The following ZFP64 variants were observed in gnomAD, a reference collection of about 807,000 sequenced individuals.
ZFP64 encodes the protein zinc finger protein 64.
In ZFP64, 14 loss-of-function variants were observed where a neutral mutation model predicts 51.6. The ratio of observed to expected loss-of-function variants is 0.27; its 90% CI spans 0.18 to 0.42. The LOEUF (loss-of-function observed/expected upper bound fraction) is 0.42, where lower values mean the gene tolerates loss of function less well. Ranked by LOEUF, ZFP64 falls within the 10% of genes least tolerant of loss-of-function variation. The pLI is 1.00. For missense variants in ZFP64, 754 were observed against 906.8 expected (o/e 0.83, Z 2.16); for synonymous variants, 375 against 361.4 (o/e 1.04, Z -0.43).
At chr20:52,169,750 T>A (rs1982561743) in intron 2 of ZFP64, among the ~76,000 whole-genome samples, 1 of 152,168 alleles carries the variant, frequency 6.6e-6, no homozygotes, top group Non-Finnish European at 1.5e-5. Context: ...TGCACACAAG[T>A]TTTAAAATTT....
intron 5 of ZFP64, among the ~76,000 whole-genome samples, chr20:52,141,728 A>C (rs1980264544): frequency 6.6e-6 from 1 of 152,212 alleles, no homozygotes; most frequent in African/African-American, 2.4e-5. Context: ...TGAAAATGAC[A>C]ACAAACAACT....
Position 52,151,903 on chromosome 20 carries a change from G to T in ZFP64, c.*243C>A. ...TATACAAAAATTAGCCAGTCATGAT[G>T]TCGTACACCTGTGGTCCCAGCTACT... is the stretch of plus-strand genomic sequence containing the variant. On this transcript the variant is annotated 3_prime_UTR_variant, in exon 6 of 6. Transcript: ENST00000216923. 1 of 1,039,108 alleles carries T rather than the reference G, an allele frequency of 9.6e-7. No individual in the cohort carries two copies. The highest frequency in any genetic ancestry group is 1.3e-6 in the Non-Finnish European group (1 of 775,204). The allele number at this position is 1,039,108 out of a possible 1,614,324, so 64.4% of individuals were successfully genotyped here.
downstream of ZFP64, among the ~76,000 whole-genome samples, chr20:52,148,706 G>GA (rs11297522): frequency 1.6e-3 from 198 of 121,972 alleles, no homozygotes; most frequent in African/African-American, 2.9e-3. Context: ...CTCAAAACAA[G>GA]AAAAAAAAAA....
chr20:52,106,847 A>C (rs551935979), intron 5 of ZFP64, among the ~76,000 whole-genome samples: 1 of 152,334 alleles, frequency 6.6e-6, no homozygotes, highest in Admixed American at 6.5e-5. Context: ...CTGTAATCCC[A>C]GCACTTTGGG....
Position 52,085,260 on chromosome 20 carries a change from G to A in ZFP64, c.1235C>T (p.Thr412Ile). The change falls in exon 9 of 9, where the codon ACC becomes ATC. Residue 412 changes from threonine to isoleucine, a missense_variant. Thr to Ile is a moderately conservative substitution (Grantham distance 89). Coordinates refer to the ZFP64 transcript ENST00000361387. The surrounding 1 kb of genome is among the most constrained non-coding windows in gnomAD (Gnocchi z 4.3). ...GCTACAGAGCCAGCACTGGAAGGGG[G>A]TATCCCCTAGCAATGGAAGGTGTGT... 1 of 1,610,270 alleles carries A rather than the reference G, an allele frequency of 6.2e-7. No individual in the cohort carries two copies.
chr20:52,173,543 G>A (rs1982922900), intron 2 of ZFP64, among the ~76,000 whole-genome samples: 2 of 152,266 alleles, frequency 1.3e-5, no homozygotes, highest in East Asian at 1.9e-4. Context: ...AGCTATGATT[G>A]CACCACTGCA....
rs771671628 is a variant in ZFP64, at chr20:52,111,197, A to ATT, written c.764-12612_764-12611dup. The ATT allele has an allele frequency of 2.5e-3, 1,162 of 467,486 alleles. 4 individuals are homozygous for ATT. Among genetic ancestry groups the ATT allele is most frequent in the African/African-American group, 6.6e-3 (218 of 33,008 alleles). The allele number at this position is 467,486 out of a possible 1,614,324, so 29.0% of individuals were successfully genotyped here. A position where few individuals can be genotyped will look rare whatever the true frequency, so the allele number is the denominator to read the frequency against. On this transcript the variant is annotated intron_variant, in intron 5 of 8. Transcript: ENST00000361387. ...GGAGAACGCCCCAAGTCAGCGGTCA[A>ATT]TTTTTTTTTTTTTTTTTTTTTTTTT... is the stretch of plus-strand genomic sequence containing the variant.
rs1215705295 is a variant in ZFP64, at chr20:52,143,916, C to A, written c.763+16207G>T. On this transcript the variant is annotated intron_variant, in intron 5 of 8. Transcript: ENST00000361387. ...AATAACTCATCCACAGGACTGCAAA[C>A]AGATTTCGTTTGATGGAACACAGCT... 1.4e-5 allele frequency among the ~76,000 whole-genome samples: 2 copies of A among 142,962 alleles called. 1 individual carries two copies. The highest frequency in any genetic ancestry group is 3.1e-5 in the Non-Finnish European group (2 of 64,314). 93.8% of individuals were successfully genotyped at this position (142,962 alleles called of 152,430 possible). A position where few individuals can be genotyped will look rare whatever the true frequency, so the allele number is the denominator to read the frequency against.
At chr20:52,186,796 C>A (rs1308599116) in intron 2 of ZFP64, 36 bp downstream of exon 2, 1 of 1,578,142 alleles carries the variant, frequency 6.3e-7, no homozygotes, top group Admixed American at 1.7e-5. Flanking sequence ...CACAGCCAGG[C>A]CAATTCTGGC....
chr20:52,138,636 C>T (rs980712854), intron 5 of ZFP64, among the ~76,000 whole-genome samples: 1 of 143,208 alleles, frequency 7.0e-6, no homozygotes, highest in Non-Finnish European at 1.5e-5. Context: ...CATCAAACAA[C>T]ATATGGCAAA....
chr20:52,164,455 T>G (rs1235868461), intron 4 of ZFP64, among the ~76,000 whole-genome samples: 1 of 152,218 alleles, frequency 6.6e-6, no homozygotes, highest in Non-Finnish European at 1.5e-5. Context: ...CTGTAACAGT[T>G]CACATTCCCA....
At chr20:52,112,953 T>C (rs375914355) in intron 5 of ZFP64, among the ~76,000 whole-genome samples, 9 of 152,080 alleles carry the variant, frequency 5.9e-5, no homozygotes, top group East Asian at 5.8e-4. Flanking sequence ...TAAACTTGTA[T>C]CATTAATACT....
At chr20:52,144,535 G>A (rs1454341017) in intron 5 of ZFP64, among the ~76,000 whole-genome samples, 7 of 122,574 alleles carry the variant, frequency 5.7e-5, no homozygotes, top group African/African-American at 1.3e-4. Flanking sequence ...AGCCGAGATC[G>A]CGCCACTGCA....
intron 5 of ZFP64, chr20:52,105,144 C>T: frequency 7.0e-7 from 1 of 1,438,346 alleles, no homozygotes; most frequent in Non-Finnish European, 9.0e-7. Context: ...GGCTCCCCCG[C>T]CACCTGCGGG....
chr20:52,172,889 TTC>T (rs1164650014), intron 2 of ZFP64, among the ~76,000 whole-genome samples: 1 of 152,228 alleles, frequency 6.6e-6, no homozygotes, highest in Non-Finnish European at 1.5e-5. Context: ...TTTCCCTTCT[TTC>T]CTGCATGTTC....
At chr20:52,096,237 C>T (rs986089687) in intron 7 of ZFP64, among the ~76,000 whole-genome samples, 1 of 152,186 alleles carries the variant, frequency 6.6e-6, no homozygotes, top group Non-Finnish European at 1.5e-5. Context: ...GTGGCCATGA[C>T]TAAGTCCCGC....
At chr20:52,162,124 C>T (rs1351101116) in intron 4 of ZFP64, among the ~76,000 whole-genome samples, 2 of 151,142 alleles carry the variant, frequency 1.3e-5, no homozygotes, top group East Asian at 3.9e-4. Flanking sequence ...ATGGTGAAAC[C>T]CTGTCTGAAC....
chr20:52,144,148 T>C (rs1159281436), intron 5 of ZFP64, among the ~76,000 whole-genome samples: 1 of 143,630 alleles, frequency 7.0e-6, no homozygotes, highest in Non-Finnish European at 1.5e-5. Flanking sequence ...CTTAAAAAAT[T>C]ATCTTTTAAC....
At chr20:52,184,591 T>C (rs1248682196) in intron 2 of ZFP64, among the ~76,000 whole-genome samples, 1 of 152,186 alleles carries the variant, frequency 6.6e-6, no homozygotes, top group Admixed American at 6.5e-5. Flanking sequence ...TCATATTCCA[T>C]TGTTGGAATC....
Sources: allele counts gnomAD v4.1 joint callset (sites outside exome capture counted in the v4.1 genomes callset), GRCh38; gene constraint gnomAD v4.1.1; non-coding constraint Gnocchi (gnomAD v3.1); transcripts MANE v1.5; gene names NCBI Gene and HGNC (gene_info 2026-07-23, HGNC 2026-07-21).